The following SDC3 variants were observed in gnomAD, a reference collection of about 807,000 sequenced individuals.
SDC3 encodes syndecan 3, also known as syndecan-3.
SDC3 carries 13 observed loss-of-function variants against 24.4 expected under a neutral mutation model. That is an observed-to-expected ratio of 0.53 (90% confidence interval 0.35 to 0.85). SDC3 has a LOEUF of 0.85. SDC3 is among the 40% of genes least tolerant of loss of function. The pLI is 0.01. For synonymous variants in SDC3, 295 were observed against 260.9 expected, an observed-to-expected ratio of 1.13 and a Z score of -1.26; for missense variants, 571 against 584.5, an observed-to-expected ratio of 0.98 and a Z score of 0.24.
At position 30,894,880 on chromosome 1, in the gene SDC3, A is replaced by G. The variant is rs77528281; in HGVS notation, c.138+13569T>C. On this transcript the variant is annotated intron_variant, in intron 1 of 4. Coordinates refer to ENST00000339394, the MANE Select transcript of SDC3 (RefSeq NM_014654.4). ...TGGCTTAGATGCCTGTGTGGGTCTGAGTGTGTCCATGTTAGCGTGGAGGGC... is the reference window on the plus strand; with the variant it reads ...TGGCTTAGATGCCTGTGTGGGTCTGGGTGTGTCCATGTTAGCGTGGAGGGC... Among the ~76,000 whole-genome samples, 9 of 151,532 alleles carry G rather than the reference A, an allele frequency of 5.9e-5. No individual in the cohort carries two copies. The East Asian group carries it at 1.7e-3, about 29-fold the overall frequency.
intron 4 of SDC3, 40 bp from the exon 5 acceptor site, chr1:30,873,417 G>A (rs756939212): frequency 2.6e-6 from 4 of 1,557,326 alleles, no homozygotes; most frequent in East Asian, 2.2e-5. Context: ...CCAGAGGCAG[G>A]GTAGAACCAG....
chr1:30,876,505 A>G (rs377068352), intron 3 of SDC3, 47 bp downstream of exon 3: 6 of 1,009,066 alleles, frequency 5.9e-6, no homozygotes, highest in Non-Finnish European at 7.3e-6. Flanking sequence ...CCCTCCCCTG[A>G]CCCACCCTCC....
In SDC3 at chr1:30,874,571, G is replaced by C; in HGVS notation, c.888C>G (p.Thr296=). 1 of 1,614,104 alleles carries C rather than the reference G, an allele frequency of 6.2e-7. No individual in the cohort carries two copies. Among genetic ancestry groups the C allele is most frequent in the Non-Finnish European group, 8.5e-7 (1 of 1,179,978 alleles). ...TEVAQTPTPE[T]FLTTIRDEPE... ...GCTCATCCCGGATTGTGGTCAGGAA[G>C]GTCTCTGGAGTTGGGGTCTGCAGAG... is the stretch of plus-strand genomic sequence containing the variant. The change falls in exon 4 of 5, where the codon ACC becomes ACG. Residue 296 remains threonine, a synonymous_variant. Coordinates refer to ENST00000339394, the MANE Select transcript of SDC3 (RefSeq NM_014654.4).
chr1:30,902,859 C>A (rs1638442811), intron 1 of SDC3, among the ~76,000 whole-genome samples: 1 of 152,232 alleles, frequency 6.6e-6, no homozygotes, highest in South Asian at 2.1e-4. Flanking sequence ...CTGTCCCCAA[C>A]CCACCTACAC....
Position 30,869,977 on chromosome 1 carries a change from C to G in SDC3, c.*3234G>C. The G allele has an allele frequency of 2.5e-6, 1 of 398,276 alleles. No individual in the cohort carries two copies. The highest frequency in any genetic ancestry group is 6.3e-4 in the Middle Eastern group (1 of 1,588). The allele number at this position is 398,276 out of a possible 1,614,324, so 24.7% of individuals were successfully genotyped here. ...GATGGCAACTCCCAGGGCCCAGTCT[C>G]GATGCCTCTGTAAATCTGTACAGTT... On this transcript the variant is annotated 3_prime_UTR_variant, in exon 5 of 5. Coordinates refer to ENST00000339394, the MANE Select transcript of SDC3 (RefSeq NM_014654.4).
chr1:30,903,103 C>T (rs1638446519), intron 1 of SDC3, among the ~76,000 whole-genome samples: 1 of 152,184 alleles, frequency 6.6e-6, no homozygotes, highest in African/African-American at 2.4e-5. Context: ...GGGGGACCCC[C>T]ACCAAGTCAC....
chr1:30,889,729 G>A lies in SDC3; in HGVS notation c.139-10989C>T, dbSNP rs530544042. On this transcript the variant is annotated intron_variant, in intron 1 of 4. Transcript: ENST00000339394. ...GCGTTGGCGAGGACGTGGGGAAATC[G>A]GAACCCTCACACACCACTGGTGGGA... 1.3e-3 allele frequency among the ~76,000 whole-genome samples: 199 copies of A among 152,268 alleles called. 4 individuals are homozygous for A. In the South Asian group the frequency reaches 0.03, roughly 23 times the overall value.
chr1:30,901,097 CTG>C (rs1048643913), intron 1 of SDC3, among the ~76,000 whole-genome samples: 12 of 152,332 alleles, frequency 7.9e-5, no homozygotes, highest in African/African-American at 2.6e-4. Flanking sequence ...CAGCTCCTGG[CTG>C]TGTGTGCTTT....
chr1:30,870,192 C>T lies in SDC3; in HGVS notation c.*3019G>A, dbSNP rs1639508668. ...CTTTGCCAACCCCAGGGGGGTTTGGCCCACACACCCTAAGCCCTGCCCAGC... is the reference window on the plus strand; with the variant it reads ...CTTTGCCAACCCCAGGGGGGTTTGGTCCACACACCCTAAGCCCTGCCCAGC... On this transcript the variant is annotated 3_prime_UTR_variant, in exon 5 of 5. Transcript: ENST00000339394. The T allele has an allele frequency of 3.1e-6, 1 of 325,844 alleles. No individual in the cohort carries two copies. Among genetic ancestry groups the T allele is most frequent in the Non-Finnish European group, 5.5e-6 (1 of 180,598 alleles). 20.2% of individuals were successfully genotyped at this position (325,844 alleles called of 1,614,324 possible). A position where few individuals can be genotyped will look rare whatever the true frequency, so the allele number is the denominator to read the frequency against.
intron 1 of SDC3, among the ~76,000 whole-genome samples, chr1:30,883,476 G>C (rs1639776364): frequency 6.6e-6 from 1 of 152,218 alleles, no homozygotes; most frequent in South Asian, 2.1e-4. Flanking sequence ...ATTCAGCTCT[G>C]CTTACTTGCT....
intron 1 of SDC3, among the ~76,000 whole-genome samples, chr1:30,902,392 C>T (rs1638433706): frequency 6.6e-6 from 1 of 152,026 alleles, no homozygotes; most frequent in African/African-American, 2.4e-5. Flanking sequence ...GGAGGGGGGC[C>T]GGAAGTGAAG....
At chr1:30,900,120 TCA>T (rs1638384026) in intron 1 of SDC3, among the ~76,000 whole-genome samples, 1 of 152,140 alleles carries the variant, frequency 6.6e-6, no homozygotes, top group African/African-American at 2.4e-5. Flanking sequence ...GGCTCCAGGC[TCA>T]GAGTCCTGCT....
intron 1 of SDC3, among the ~76,000 whole-genome samples, chr1:30,893,426 G>A (rs752324558): frequency 7.9e-5 from 12 of 151,328 alleles, no homozygotes; most frequent in Non-Finnish European, 1.2e-4. Flanking sequence ...TTAGCAGCCC[G>A]ACCCCCACCT....
chr1:30,878,449 G>A, intron 2 of SDC3, 174 bp downstream of exon 2: 1 of 591,120 alleles, frequency 1.7e-6, no homozygotes, highest in South Asian at 2.1e-5. Flanking sequence ...TCTATCCCCA[G>A]AAGGATGTTC....
intron 1 of SDC3, among the ~76,000 whole-genome samples, chr1:30,896,208 C>T (rs1053445515): frequency 2.6e-5 from 4 of 152,100 alleles, no homozygotes; most frequent in Non-Finnish European, 5.9e-5. Flanking sequence ...GGAAAAGAAA[C>T]AAAGTAGCAA....
intron 1 of SDC3, among the ~76,000 whole-genome samples, chr1:30,885,108 T>A (rs1467871516): frequency 6.6e-6 from 1 of 152,216 alleles, no homozygotes; most frequent in East Asian, 1.9e-4. Flanking sequence ...TCAATTCCGA[T>A]GTGACTTTGG....
intron 1 of SDC3, among the ~76,000 whole-genome samples, chr1:30,897,576 C>T (rs1034780094): frequency 2.6e-5 from 4 of 151,856 alleles, no homozygotes; most frequent in Admixed American, 2.6e-4. Flanking sequence ...ACAACAGCCA[C>T]ACAAGTTCAG....
intron 1 of SDC3, among the ~76,000 whole-genome samples, chr1:30,895,021 G>A (rs1639980873): frequency 6.6e-6 from 1 of 152,044 alleles, no homozygotes; most frequent in South Asian, 2.1e-4. Context: ...CCATTTGTAA[G>A]CATGCATCTG....
Position 30,876,704 on chromosome 1 carries a change from C to T in SDC3, c.718G>A (p.Asp240Asn), listed in dbSNP as rs1639644063. 2.5e-6 allele frequency: 4 copies of T among 1,600,260 alleles called. No homozygotes were observed. The highest frequency in any genetic ancestry group is 1.3e-5 in the African/African-American group (1 of 74,444). ...PSPPTTAAVL[D>N]TEAPTPRLVS... ...AGCCTGGGTGTTGGGGCCTCGGTGT[C>T]CAAGACAGCCGCCGTGGTGGGCGGG... Residue 240 changes from aspartate (D) to asparagine (N), a missense_variant, in exon 3 of 5, where the codon GAC becomes AAC. Physicochemically the swap from Asp to Asn is conservative, Grantham distance 23. Coordinates refer to ENST00000339394, the MANE Select transcript of SDC3 (RefSeq NM_014654.4).
Sources: gnomAD v4.1 joint callset for allele counts (sites outside exome capture counted in the v4.1 genomes callset) on GRCh38, gnomAD v4.1.1 for gene constraint, MANE v1.5 for transcripts, NCBI Gene and HGNC (gene_info 2026-07-23, HGNC 2026-07-21) for gene names.